SIK3: variants seen among roughly 807,000 people sequenced by gnomAD.
The protein encoded by SIK3 is SIK family kinase 3, also known as serine/threonine-protein kinase SIK3.
In SIK3, 28 loss-of-function variants were observed where a neutral mutation model predicts 144.2. That is an observed-to-expected ratio of 0.19 (90% CI 0.14 to 0.27). The LOEUF (loss-of-function observed/expected upper bound fraction) is 0.27. SIK3 is among the 10% of genes least tolerant of loss of function. The pLI, the probability that SIK3 is intolerant of heterozygous loss-of-function variation, is 1.00. For synonymous variants in SIK3, 686 were observed against 676.3 expected (o/e 1.01, Z -0.22); for missense variants, 1,319 against 1,776.0 (o/e 0.74, Z 4.62).
intron 1 of SIK3, among the ~76,000 whole-genome samples, chr11:117,005,795 G>C (rs971299058): frequency 1.3e-5 from 2 of 152,180 alleles, no homozygotes; most frequent in African/African-American, 4.8e-5. Context: ...CCCCAGGAAA[G>C]ATGCTTCAGC....
chr11:117,075,996 C>T (rs1298534824), intron 1 of SIK3, among the ~76,000 whole-genome samples: 1 of 151,844 alleles, frequency 6.6e-6, no homozygotes, highest in Non-Finnish European at 1.5e-5. Flanking sequence ...TTACAGGCGC[C>T]TGCCACCATG....
At chr11:116,979,777 G>A (rs966835805) in intron 1 of SIK3, among the ~76,000 whole-genome samples, 1 of 152,136 alleles carries the variant, frequency 6.6e-6, no homozygotes, top group Non-Finnish European at 1.5e-5. Flanking sequence ...AACCTGGGAG[G>A]TGGAGTTTGC....
intron 3 of SIK3, among the ~76,000 whole-genome samples, chr11:116,941,306 G>A (rs1350714105): frequency 6.6e-6 from 1 of 151,564 alleles, no homozygotes; most frequent in Non-Finnish European, 1.5e-5. Flanking sequence ...GCGCCTGGCC[G>A]AAAATACCTT....
intron 15 of SIK3, 46 bp from the exon 16 acceptor site, chr11:116,863,864 T>C: frequency 6.6e-7 from 1 of 1,525,982 alleles, no homozygotes; most frequent in Non-Finnish European, 8.8e-7. Context: ...CTCAGGGGCT[T>C]TGACCAAATC....
At chr11:117,083,238 G>A (rs1029941551) in intron 1 of SIK3, among the ~76,000 whole-genome samples, 5 of 152,172 alleles carry the variant, frequency 3.3e-5, no homozygotes, top group Non-Finnish European at 5.9e-5. Context: ...GAGATCGGAA[G>A]AGGCAGTAGG....
chr11:116,938,494 G>GAC, intron 3 of SIK3, among the ~76,000 whole-genome samples: 1 of 58,068 alleles, frequency 1.7e-5, no homozygotes. Flanking sequence ...GAGAAGAGAA[G>GAC]GAGAGAAAAA....
chr11:116,855,929 G>A (rs1942876157), intron 21 of SIK3, among the ~76,000 whole-genome samples: 1 of 152,230 alleles, frequency 6.6e-6, no homozygotes, highest in Non-Finnish European at 1.5e-5. Flanking sequence ...CGGGCGCGGT[G>A]GCTCATGCCT....
Position 116,858,196 on chromosome 11 carries a change from C to A in SIK3, c.3269G>T (p.Arg1090Leu), listed in dbSNP as rs769627045. The A allele has an allele frequency of 1.9e-6, 3 of 1,614,016 alleles. No individual in the cohort carries two copies. The highest frequency in any genetic ancestry group is 4.5e-5 in the East Asian group (2 of 44,890). The change falls in exon 21 of 25, where the codon CGC becomes CTC. Residue 1090 changes from arginine (R) to leucine (L), a missense_variant. Around this residue, in one of 8 missense-constraint regions of SIK3, gnomAD observed 646 missense variants for 763.7 expected, o/e 0.85. Coordinates refer to ENST00000445177, the MANE Select transcript of SIK3 (RefSeq NM_001366686.3). The surrounding 1 kb of genome is among the most constrained non-coding windows in gnomAD (Gnocchi z 5.4). ...AGCATTTTGATAAGATAAAGCCTGG[C>A]GCTCTGTCATGCTCTGTCCCCCAAG... ...PSLGGQSMTE[R>L]QALSYQNADS...
chr11:116,866,661 C>T (rs941803747), intron 15 of SIK3, among the ~76,000 whole-genome samples: 7 of 152,042 alleles, frequency 4.6e-5, no homozygotes, highest in African/African-American at 1.7e-4. Flanking sequence ...AGGCTGGTCT[C>T]GAACTCCTGA....
At chr11:116,946,678 G>A (rs761198270) in intron 3 of SIK3, among the ~76,000 whole-genome samples, 10 of 152,270 alleles carry the variant, frequency 6.6e-5, no homozygotes, top group East Asian at 1.9e-4. Context: ...TGAGATATCC[G>A]TGGAGAACTC....
rs553420316 is a variant in SIK3 at position 117,041,550 on chromosome 11, T to C, written c.273+56593A>G. On this transcript the variant is annotated intron_variant, in intron 1 of 24. Transcript: ENST00000445177. ...TCTACAAAACTCATTCTAGAAAACT[T>C]TGATGCTAAAATATCTGAAAATAAT... Among the ~76,000 whole-genome samples the C allele has an allele frequency of 4.6e-5, 7 of 152,356 alleles. No homozygotes were observed. In the East Asian group the frequency reaches 9.6e-4, roughly 21 times the overall value.
At chr11:116,988,310 CG>C (rs2135546315) in intron 1 of SIK3, among the ~76,000 whole-genome samples, 1 of 151,846 alleles carries the variant, frequency 6.6e-6, no homozygotes, top group Non-Finnish European at 1.5e-5. Flanking sequence ...GGCGTGAACC[CG>C]GGAGGCGGAG....
intron 4 of SIK3, among the ~76,000 whole-genome samples, chr11:116,901,739 AACAGTGTTTAAC>A (rs1945749933): frequency 4.6e-5 from 7 of 152,192 alleles, no homozygotes; most frequent in Admixed American, 3.3e-4. Flanking sequence ...CACAGTATCT[AACAGTGTTTAAC>A]ACAGTGGGCA....
chr11:117,084,022 A>G (rs186909643), intron 1 of SIK3, among the ~76,000 whole-genome samples: 1 of 152,312 alleles, frequency 6.6e-6, no homozygotes, highest in East Asian at 1.9e-4. Flanking sequence ...ATAAATAATA[A>G]AAGATTCTAT....
At chr11:116,854,803 C>A (rs1255379284) in intron 21 of SIK3, among the ~76,000 whole-genome samples, 2 of 151,918 alleles carry the variant, frequency 1.3e-5, no homozygotes, top group African/African-American at 2.4e-5. Flanking sequence ...TTAAAAGAAA[C>A]CTGAAAGCCA....
intron 1 of SIK3, among the ~76,000 whole-genome samples, chr11:117,088,000 A>C (rs371711864): frequency 9.8e-5 from 15 of 152,286 alleles, no homozygotes; most frequent in African/African-American, 3.6e-4. Context: ...GAAGCCAAAG[A>C]GGGAGGATCA....
chr11:116,918,646 C>T lies in SIK3; in HGVS notation c.616+8573G>A, dbSNP rs1020057639. On this transcript the variant is annotated intron_variant, in intron 4 of 24. Coordinates refer to ENST00000445177, the MANE Select transcript of SIK3 (RefSeq NM_001366686.3). ...ATCAAATTCTTGATTCTCAGCTTCT[C>T]AGGCTGGCCTCTGTTTACACAGCCT... Among the ~76,000 whole-genome samples, 12 of 152,188 alleles carry T rather than the reference C, an allele frequency of 7.9e-5. No individual in the cohort carries two copies. In the East Asian group the frequency reaches 2.3e-3, roughly 29 times the overall value.
At chr11:116,923,057 C>T (rs748486185) in intron 4 of SIK3, among the ~76,000 whole-genome samples, 13 of 151,906 alleles carry the variant, frequency 8.6e-5, no homozygotes, top group Admixed American at 7.9e-4. Flanking sequence ...GCTGGGATTA[C>T]AGGCACCCGC....
chr11:117,065,175 C>CAAT (rs969211734), intron 1 of SIK3, among the ~76,000 whole-genome samples: 11 of 148,314 alleles, frequency 7.4e-5, no homozygotes, highest in East Asian at 3.9e-4. Context: ...ATAATAATAA[C>CAAT]AATAATAATA....
Sources: allele counts gnomAD v4.1 joint callset (sites outside exome capture counted in the v4.1 genomes callset), GRCh38; gene constraint gnomAD v4.1.1; regional missense constraint gnomAD v4.1.1; non-coding constraint Gnocchi (gnomAD v3.1); transcripts MANE v1.5; gene names NCBI Gene and HGNC (gene_info 2026-07-23, HGNC 2026-07-21).